FHIT: variants seen among roughly 807,000 people sequenced by gnomAD.
The protein encoded by FHIT is bis(5'-adenosyl)-triphosphatase.
In FHIT, 19 loss-of-function variants were observed where a neutral mutation model predicts 17.9. That is an observed-to-expected ratio of 1.06 (90% CI 0.74 to 1.56). The LOEUF (loss-of-function observed/expected upper bound fraction) is 1.56, where lower values mean the gene tolerates loss of function less well. Among genes scored for constraint, FHIT ranks in the 40% most tolerant of loss-of-function variants. The pLI is 0.00. For synonymous variants in FHIT, 81 were observed against 69.7 expected (o/e 1.16, Z -0.81); for missense variants, 248 against 189.2 (o/e 1.31, Z -1.82).
chr3:61,101,630 T>C (rs1000842431), intron 2 of FHIT, among the ~76,000 whole-genome samples: 1 of 152,228 alleles, frequency 6.6e-6, no homozygotes, highest in African/African-American at 2.4e-5. Context: ...ATTGAATCTA[T>C]AAATTACTTT....
chr3:60,163,380 C>T (rs1448958593), intron 5 of FHIT, among the ~76,000 whole-genome samples: 1 of 152,138 alleles, frequency 6.6e-6, no homozygotes, highest in African/African-American at 2.4e-5. Context: ...TGTGAAAAGC[C>T]TGCATGACCC....
chr3:60,633,484 CA>C (rs1170385338), intron 4 of FHIT, among the ~76,000 whole-genome samples: 3 of 152,160 alleles, frequency 2.0e-5, no homozygotes, highest in Non-Finnish European at 4.4e-5. Context: ...ATACTTGGAA[CA>C]TTTCTGACTT....
chr3:61,115,309 G>A (rs1286868552), intron 2 of FHIT, among the ~76,000 whole-genome samples: 1 of 152,148 alleles, frequency 6.6e-6, no homozygotes, highest in Non-Finnish European at 1.5e-5. Flanking sequence ...AGGGCTAAGA[G>A]TTCACCATGT....
intron 4 of FHIT, among the ~76,000 whole-genome samples, chr3:60,751,029 T>C (rs1553716690): frequency 6.6e-6 from 1 of 152,144 alleles, no homozygotes; most frequent in African/African-American, 2.4e-5. Context: ...GGGCTGTGAG[T>C]ATATGTGACT....
At chr3:60,434,448 A>T (rs572688006) in intron 5 of FHIT, among the ~76,000 whole-genome samples, 1 of 152,110 alleles carries the variant, frequency 6.6e-6, no homozygotes, top group South Asian at 2.1e-4. Flanking sequence ...GAGGGATGGC[A>T]GGGTTGCATA....
chr3:60,351,939 GT>G (rs1251788472), intron 5 of FHIT, among the ~76,000 whole-genome samples: 1 of 152,154 alleles, frequency 6.6e-6, no homozygotes, highest in Non-Finnish European at 1.5e-5. Flanking sequence ...TCTTTGATAA[GT>G]TTGTTCCTCC....
chr3:59,908,966 C>T lies in FHIT; in HGVS notation c.348+13380G>A, dbSNP rs138235079. On this transcript the variant is annotated intron_variant, in intron 8 of 9. Transcript: ENST00000492590. Reference sequence around the variant, plus strand: ...AGAAGAAACTGGAGACAAGACAAAACAAATGGGAATATAAAACTGTAGACT... The same window carrying T: ...AGAAGAAACTGGAGACAAGACAAAATAAATGGGAATATAAAACTGTAGACT... Among the ~76,000 whole-genome samples the T allele has an allele frequency of 8.6e-5, 13 of 152,018 alleles. No individual in the cohort carries two copies. The East Asian group carries it at 2.5e-3, about 29-fold the overall frequency.
At chr3:60,963,978 G>A (rs951185844) in intron 3 of FHIT, among the ~76,000 whole-genome samples, 2 of 152,090 alleles carry the variant, frequency 1.3e-5, no homozygotes, top group African/African-American at 2.4e-5. Flanking sequence ...TCAATTCCTG[G>A]ATATCATTGT....
At chr3:59,965,817 C>G (rs1215930650) in intron 7 of FHIT, among the ~76,000 whole-genome samples, 1 of 152,072 alleles carries the variant, frequency 6.6e-6, no homozygotes, top group African/African-American at 2.4e-5. Flanking sequence ...ACAAATGAAA[C>G]TAGATCAGCA....
At chr3:60,732,217 A>T (rs2042044526) in intron 4 of FHIT, 2 of 828,392 alleles carry the variant, frequency 2.4e-6, no homozygotes. Flanking sequence ...AAAGTGTTCC[A>T]TGGCCTCCAT....
intron 3 of FHIT, among the ~76,000 whole-genome samples, chr3:60,909,911 T>G (rs944113256): frequency 6.6e-6 from 1 of 152,164 alleles, no homozygotes; most frequent in Non-Finnish European, 1.5e-5. Flanking sequence ...AAGGTTGGCT[T>G]GCTCCCTGAA....
intron 7 of FHIT, among the ~76,000 whole-genome samples, chr3:59,965,325 T>A (rs1707876084): frequency 6.6e-6 from 1 of 152,114 alleles, no homozygotes; most frequent in Non-Finnish European, 1.5e-5. Context: ...TTTAAACACA[T>A]GCATATATAT....
intron 5 of FHIT, among the ~76,000 whole-genome samples, chr3:60,336,586 A>G (rs1178361207): frequency 3.3e-5 from 5 of 152,144 alleles, no homozygotes; most frequent in Non-Finnish European, 7.4e-5. Flanking sequence ...GCTATCCAAT[A>G]TGGTAGCCAC....
At chr3:60,695,066 A>G (rs1030907007) in intron 4 of FHIT, among the ~76,000 whole-genome samples, 10 of 152,162 alleles carry the variant, frequency 6.6e-5, no homozygotes, top group African/African-American at 2.2e-4. Context: ...TATAATAATA[A>G]TAAAAAAAAG....
intron 5 of FHIT, among the ~76,000 whole-genome samples, chr3:60,308,360 T>A (rs1708777875): frequency 6.6e-6 from 1 of 152,102 alleles, no homozygotes; most frequent in Non-Finnish European, 1.5e-5. Flanking sequence ...ACTTTCTGTT[T>A]ACAGGGTTAA....
intron 5 of FHIT, among the ~76,000 whole-genome samples, chr3:60,431,347 T>G (rs1367753668): frequency 6.6e-6 from 1 of 152,056 alleles, no homozygotes; most frequent in African/African-American, 2.4e-5. Flanking sequence ...TGGATAACAA[T>G]TAACAATTTT....
intron 2 of FHIT, among the ~76,000 whole-genome samples, chr3:61,135,907 A>G (rs2036902356): frequency 6.6e-6 from 1 of 152,248 alleles, no homozygotes; most frequent in Non-Finnish European, 1.5e-5. Flanking sequence ...AAAAAGCATC[A>G]TAAAGGGAAA....
chr3:60,458,130 A>G (rs1197990733), intron 5 of FHIT, among the ~76,000 whole-genome samples: 1 of 152,180 alleles, frequency 6.6e-6, no homozygotes, highest in Non-Finnish European at 1.5e-5. Context: ...AGACACATGC[A>G]CACGTATGTT....
At chr3:60,609,315 T>TA (rs1264399935) in intron 4 of FHIT, among the ~76,000 whole-genome samples, 2 of 144,564 alleles carry the variant, frequency 1.4e-5, no homozygotes, top group Non-Finnish European at 3.0e-5. Context: ...GTTCAGCCTT[T>TA]TGCTTCCTTT....
Sources: gnomAD v4.1 joint callset for allele counts (sites outside exome capture counted in the v4.1 genomes callset) on GRCh38, gnomAD v4.1.1 for gene constraint, MANE v1.5 for transcripts, NCBI Gene and HGNC (gene_info 2026-07-23, HGNC 2026-07-21) for gene names.